The following GSR variants were observed in gnomAD, a reference collection of about 807,000 sequenced individuals.
The protein encoded by GSR is glutathione-disulfide reductase.
GSR carries 48 observed loss-of-function variants against 56.5 expected under a neutral mutation model. The ratio of observed to expected loss-of-function variants is 0.85; its 90% CI spans 0.67 to 1.08. The LOEUF (loss-of-function observed/expected upper bound fraction) is 1.08, where lower values mean the gene tolerates loss of function less well. Among genes scored for constraint, GSR ranks in the 50% least tolerant of loss-of-function variants. The pLI is 0.00. For synonymous variants in GSR, 264 were observed against 270.8 expected, an observed-to-expected ratio of 0.97 and a Z score of 0.25; for missense variants, 694 against 703.3, an observed-to-expected ratio of 0.99 and a Z score of 0.15.
chr8:30,714,488 A>G (rs1043533067), intron 1 of GSR, among the ~76,000 whole-genome samples: 3 of 151,806 alleles, frequency 2.0e-5, no homozygotes, highest in Admixed American at 1.3e-4. Context: ...GGCGTGAGCC[A>G]TCACGCCTGG....
intron 3 of GSR, among the ~76,000 whole-genome samples, chr8:30,708,720 G>A (rs1396967554): frequency 6.6e-6 from 1 of 152,082 alleles, no homozygotes; most frequent in East Asian, 1.9e-4. Context: ...ACTTTGGGAG[G>A]CTGAGGTGGG....
chr8:30,727,342 G>A (rs1405275837), intron 1 of GSR, among the ~76,000 whole-genome samples, 188 bp downstream of exon 1: 1 of 152,236 alleles, frequency 6.6e-6, no homozygotes, highest in African/African-American at 2.4e-5. Flanking sequence ...GGGCCGCAGA[G>A]AAGCCCCCGG....
intron 1 of GSR, among the ~76,000 whole-genome samples, chr8:30,714,653 C>A (rs1036267816): frequency 6.6e-6 from 1 of 151,918 alleles, no homozygotes; most frequent in Non-Finnish European, 1.5e-5. Context: ...AGCTACCATA[C>A]GTGGCCTGTA....
intron 10 of GSR, among the ~76,000 whole-genome samples, chr8:30,682,789 T>C (rs1803002547): frequency 6.6e-6 from 1 of 151,838 alleles, no homozygotes; most frequent in Non-Finnish European, 1.5e-5. Flanking sequence ...CATGAGCCAC[T>C]GCGCCTAGAA....
At chr8:30,691,145 G>T (rs145021598) in intron 8 of GSR, among the ~76,000 whole-genome samples, 1 of 151,550 alleles carries the variant, frequency 6.6e-6, no homozygotes, top group African/African-American at 2.4e-5. Flanking sequence ...TGGGCAGATC[G>T]CTTGAGACCA....
chr8:30,719,359 G>A (rs1804450959), intron 1 of GSR, among the ~76,000 whole-genome samples: 1 of 151,332 alleles, frequency 6.6e-6, no homozygotes. Flanking sequence ...CTCATGATCC[G>A]CCCACCTCGG....
At chr8:30,726,640 T>C (rs1804735332) in intron 1 of GSR, among the ~76,000 whole-genome samples, 1 of 152,030 alleles carries the variant, frequency 6.6e-6, no homozygotes, top group Non-Finnish European at 1.5e-5. Context: ...TAGCCCCCTG[T>C]AGTTCCAGCT....
intron 10 of GSR, 139 bp from the exon 11 acceptor site, chr8:30,682,200 T>A: frequency 1.3e-6 from 1 of 766,358 alleles, no homozygotes; most frequent in Non-Finnish European, 2.3e-6. Context: ...ACTATCTAGA[T>A]AGTTTAATAC....
chr8:30,705,623 T>C (rs1198442120), intron 4 of GSR, among the ~76,000 whole-genome samples: 2 of 152,146 alleles, frequency 1.3e-5, no homozygotes, highest in Non-Finnish European at 2.9e-5. Flanking sequence ...CCCAAGCTAC[T>C]CAGGGGGCTG....
In GSR at chr8:30,696,291, C is replaced by T. The variant is rs904399133; in HGVS notation, c.795+89G>A. 3 of 911,760 alleles carry T rather than the reference C, an allele frequency of 3.3e-6. No homozygotes were observed. The African/African-American group carries it at 4.9e-5, about 15-fold the overall frequency. The allele number at this position is 911,760 out of a possible 1,614,324, so 56.5% of individuals were successfully genotyped here. On this transcript the variant is annotated intron_variant, in intron 7 of 12. Coordinates refer to ENST00000221130, the MANE Select transcript of GSR (RefSeq NM_000637.5). ...CCAAATGACCCCCACACCTGCTTTGCACCCTAGTATTTAACGACAACATAA... is the reference window on the plus strand; with the variant it reads ...CCAAATGACCCCCACACCTGCTTTGTACCCTAGTATTTAACGACAACATAA...
intron 7 of GSR, among the ~76,000 whole-genome samples, chr8:30,694,767 C>A (rs769127417): frequency 2.0e-5 from 3 of 151,792 alleles, no homozygotes; most frequent in Non-Finnish European, 4.4e-5. Flanking sequence ...GGTGTGGTGG[C>A]ATGTTCCTGT....
rs765399679 is a variant in GSR at position 30,682,019 on chromosome 8, T to G, written c.1196A>C (p.Glu399Ala). ...AGRKLAHRLF[E>A]YKEDSKLDYN... ...ATCTAATTTGGAATCTTCCTTATAT[T>G]CAAAAAGTCGATGGGCAAGTTTTCG... The change falls in exon 11 of 13, where the codon GAA (glutamate) becomes GCA (alanine). Residue 399 changes from glutamate to alanine, a missense_variant. Transcript: ENST00000221130. 1.9e-6 allele frequency: 3 copies of G among 1,613,424 alleles called. No individual in the cohort carries two copies. Among genetic ancestry groups the G allele is most frequent in the South Asian group, 2.2e-5 (2 of 91,066 alleles).
At chr8:30,686,841 G>T (rs375435454) in intron 9 of GSR, among the ~76,000 whole-genome samples, 73 of 144,282 alleles carry the variant, frequency 5.1e-4, no homozygotes, top group East Asian at 8.0e-4. Context: ...TTTTTTTTTG[G>T]TTTTTTTTTT....
At chr8:30,712,442 G>A (rs1298000234) in intron 1 of GSR, among the ~76,000 whole-genome samples, 1 of 152,126 alleles carries the variant, frequency 6.6e-6, no homozygotes, top group Non-Finnish European at 1.5e-5. Flanking sequence ...AGCACTTTGG[G>A]AGCTGAGGCA....
At position 30,727,625 on chromosome 8, in the gene GSR, C is replaced by G. The variant is rs1323749658; in HGVS notation, c.211G>C (p.Gly71Arg). Residue 71 changes from glycine (G) to arginine (R), a missense_variant, in exon 1 of 13, where the codon GGG becomes CGG. Physicochemically the swap from Gly to Arg is moderately radical, Grantham distance 125. Coordinates refer to ENST00000221130, the MANE Select transcript of GSR (RefSeq NM_000637.5). ...AVASYDYLVI[G>R]GGSGGLASAR... ...CTGGCCAGCCCGCCCGAGCCGCCCCCGATCACCAGGTAGTCATAGGAGGCC... is the reference window on the plus strand; with the variant it reads ...CTGGCCAGCCCGCCCGAGCCGCCCCGGATCACCAGGTAGTCATAGGAGGCC... The G allele has an allele frequency of 4.0e-6, 6 of 1,509,160 alleles. No homozygotes were observed. The highest frequency in any genetic ancestry group is 1.2e-5 in the South Asian group (1 of 80,998). 93.5% of individuals were successfully genotyped at this position (1,509,160 alleles called of 1,614,324 possible).
At chr8:30,712,184 TC>T in intron 1 of GSR, 96 bp from the exon 2 acceptor site, 1 of 684,624 alleles carries the variant, frequency 1.5e-6, no homozygotes, top group Non-Finnish European at 2.6e-6. Flanking sequence ...AAGCGAGGAG[TC>T]TTCCTTGGGT....
At chr8:30,685,398 C>T (rs1240831036) in intron 9 of GSR, among the ~76,000 whole-genome samples, 1 of 152,124 alleles carries the variant, frequency 6.6e-6, no homozygotes, top group Non-Finnish European at 1.5e-5. Flanking sequence ...GCCAAAAGCA[C>T]ATTTCTATGA....
chr8:30,703,063 C>A (rs1033954314), intron 5 of GSR, 30 bp downstream of exon 5: 6 of 1,609,588 alleles, frequency 3.7e-6, no homozygotes, highest in Non-Finnish European at 5.1e-6. Flanking sequence ...CTCCTGACTG[C>A]TGTTAATGAG....
Position 30,680,931 on chromosome 8 carries a change from T to C in GSR, c.1392A>G (p.Lys464=), listed in dbSNP as rs776071458. The C allele has an allele frequency of 5.6e-6, 9 of 1,613,736 alleles. No individual in the cohort carries two copies. Among genetic ancestry groups the C allele is most frequent in the Admixed American group, 5.0e-5 (3 of 59,966 alleles). The change falls in exon 12 of 13, where the codon AAA becomes AAG. Residue 464 remains lysine, a synonymous_variant. Coordinates refer to ENST00000221130, the MANE Select transcript of GSR (RefSeq NM_000637.5). ...TTTCTTCCTTGTTAGCACAGACCATTTTCATCACACATTTTGTTTTCCTTT... is the reference window on the plus strand; with the variant it reads ...TTTCTTCCTTGTTAGCACAGACCATCTTCATCACACATTTTGTTTTCCTTT... ...VTKRKTKCVM[K]MVCANKEEKV...
Sources: gnomAD v4.1 joint callset for allele counts (sites outside exome capture counted in the v4.1 genomes callset) on GRCh38, gnomAD v4.1.1 for gene constraint, MANE v1.5 for transcripts, NCBI Gene and HGNC (gene_info 2026-07-23, HGNC 2026-07-21) for gene names.